Variants in TUBGCP3 observed in about 807,000 individuals in gnomAD.
The protein encoded by TUBGCP3 is tubulin gamma complex component 3.
In TUBGCP3, 50 loss-of-function variants were observed where a neutral mutation model predicts 123.1. The ratio of observed to expected loss-of-function variants is 0.41; its 90% CI spans 0.32 to 0.51. The LOEUF (loss-of-function observed/expected upper bound fraction) is 0.51, where lower values mean the gene tolerates loss of function less well. Among genes scored for constraint, TUBGCP3 ranks in the 20% least tolerant of loss-of-function variants. The pLI is 0.36. For synonymous variants in TUBGCP3, 405 were observed against 413.9 expected (o/e 0.98, Z 0.26); for missense variants, 882 against 1,127.0 (o/e 0.78, Z 3.11).
chr13:112,525,605 T>C (rs559165383), intron 13 of TUBGCP3, among the ~76,000 whole-genome samples: 2 of 152,232 alleles, frequency 1.3e-5, no homozygotes, highest in South Asian at 4.1e-4. Context: ...AAGTTAGCCA[T>C]ACACAAAACA....
chr13:112,599,299 C>A, the TUBGCP3 span, among the ~76,000 whole-genome samples: 1 of 152,138 alleles, frequency 6.6e-6, no homozygotes, highest in African/African-American at 2.4e-5. Context: ...CAAGTCATTA[C>A]GCAGCACACA....
intron 1 of TUBGCP3, 112 bp from the exon 2 acceptor site, chr13:112,569,371 C>A: frequency 3.5e-6 from 3 of 859,046 alleles, no homozygotes; most frequent in East Asian, 5.1e-5. Flanking sequence ...TTCCACCTCC[C>A]CAAGGTCTTA....
chr13:112,571,872 C>T (rs950205736), intron 1 of TUBGCP3, among the ~76,000 whole-genome samples: 3 of 152,180 alleles, frequency 2.0e-5, no homozygotes, highest in East Asian at 3.8e-4. Context: ...GTCTCATGAA[C>T]TAAAAACCCC....
chr13:112,520,102 T>C, intron 14 of TUBGCP3, 81 bp from the exon 15 acceptor site: 2 of 1,367,406 alleles, frequency 1.5e-6, no homozygotes, highest in Non-Finnish European at 2.0e-6. Flanking sequence ...CTATTAAAAG[T>C]AAGAGTTCAA....
chr13:112,554,470 C>T (rs1879857239), intron 7 of TUBGCP3, among the ~76,000 whole-genome samples: 1 of 152,152 alleles, frequency 6.6e-6, no homozygotes, highest in South Asian at 2.1e-4. Context: ...GGCTAAGAGC[C>T]ACAGTGTGAC....
intron 8 of TUBGCP3, 50 bp from the exon 9 acceptor site, chr13:112,548,226 G>C (rs746687458): frequency 6.9e-7 from 1 of 1,444,452 alleles, no homozygotes; most frequent in Non-Finnish European, 9.5e-7. Flanking sequence ...ATTACACATT[G>C]ACTGATTTTA....
intron 1 of TUBGCP3, among the ~76,000 whole-genome samples, chr13:112,585,485 C>T (rs1882543548): frequency 1.3e-5 from 2 of 152,124 alleles, no homozygotes; most frequent in African/African-American, 2.4e-5. Context: ...GAGGGCCGGG[C>T]GCAGTGGCTC....
chr13:112,525,179 A>G (rs1876946442), intron 13 of TUBGCP3, among the ~76,000 whole-genome samples: 1 of 152,176 alleles, frequency 6.6e-6, no homozygotes, highest in Admixed American at 6.5e-5. Flanking sequence ...TATTTTCACT[A>G]CAATCTTTAG....
At chr13:112,553,926 G>A in intron 8 of TUBGCP3, 131 bp downstream of exon 8, 1 of 1,417,666 alleles carries the variant, frequency 7.1e-7, no homozygotes, top group Admixed American at 2.3e-5. Context: ...AGTGGACCCT[G>A]AAAGTTGACT....
At chr13:112,596,223 G>A in the TUBGCP3 span, among the ~76,000 whole-genome samples, 1 of 152,062 alleles carries the variant, frequency 6.6e-6, no homozygotes, top group African/African-American at 2.4e-5. Context: ...TCTTTTCATT[G>A]TACTTTCTTC....
At chr13:112,553,028 C>T (rs1879717114) in intron 8 of TUBGCP3, among the ~76,000 whole-genome samples, 1 of 150,922 alleles carries the variant, frequency 6.6e-6, no homozygotes, top group Non-Finnish European at 1.5e-5. Flanking sequence ...CTCCTCCTCA[C>T]TAGCCACATT....
rs957969087 is a variant in TUBGCP3 at position 112,558,506 on chromosome 13, T to G, written c.331-93A>C. The G allele has an allele frequency of 4.4e-6, 5 of 1,131,002 alleles. No individual in the cohort carries two copies. The African/African-American group carries it at 6.1e-5, about 14-fold the overall frequency. The allele number at this position is 1,131,002 out of a possible 1,614,324, so 70.1% of individuals were successfully genotyped here. ...GTCATTTATATTCAGATTTTCCTTC[T>G]ATTTCTGTAACTGGATTTGGGTTCC... On this transcript the variant is annotated intron_variant, in intron 4 of 21. Transcript: ENST00000261965.
rs1374764958 is a variant in TUBGCP3, at chr13:112,545,878, G to A, written c.1169-13C>T. 6.2e-7 allele frequency: 1 copy of A among 1,606,190 alleles called. No homozygotes were observed. Among genetic ancestry groups the A allele is most frequent in the East Asian group, 2.2e-5 (1 of 44,602 alleles). On this transcript the variant is annotated splice_polypyrimidine_tract_variant and intron_variant, in intron 10 of 21. Coordinates refer to ENST00000261965, the MANE Select transcript of TUBGCP3 (RefSeq NM_006322.6). The surrounding 1 kb of genome is among the most constrained non-coding windows in gnomAD (Gnocchi z 4.1). ...CCTCCTTTCCTTCCTGGGAGAAATG[G>A]AGGAAAATACACAAAAACATCCACA...
intron 14 of TUBGCP3, chr13:112,521,916 T>C (rs1051069753): frequency 1.1e-6 from 1 of 870,152 alleles, no homozygotes; most frequent in Non-Finnish European, 1.4e-6. Context: ...GAAAAGGTCA[T>C]AGTTTCATTT....
chr13:112,504,524 A>G, intron 18 of TUBGCP3, 102 bp downstream of exon 18: 1 of 796,824 alleles, frequency 1.3e-6, no homozygotes, highest in Non-Finnish European at 1.9e-6. Context: ...ATATATACAC[A>G]TATATATACA....
rs565368621 is a variant in TUBGCP3 at position 112,485,818 on chromosome 13, G to A, written c.*175C>T. 14 of 704,318 alleles carry A rather than the reference G, an allele frequency of 2.0e-5. No homozygotes were observed. Among genetic ancestry groups the A allele is most frequent in the Non-Finnish European group, 2.6e-5 (11 of 429,676 alleles). 43.6% of individuals were successfully genotyped at this position (704,318 alleles called of 1,614,324 possible). The stretch of plus-strand genomic sequence containing the variant: ...GGGATTTACAAATGCATTCGACTCC[G>A]ACATGTGAAACACGACGTGGCTTCT... On this transcript the variant is annotated 3_prime_UTR_variant, in exon 22 of 22. Transcript: ENST00000261965.
intron 17 of TUBGCP3, among the ~76,000 whole-genome samples, chr13:112,506,582 G>A (rs1181009074): frequency 1.3e-5 from 2 of 152,148 alleles, no homozygotes; most frequent in African/African-American, 2.4e-5. Context: ...AGCACAGCGT[G>A]CACTCCACAT....
the TUBGCP3 span, among the ~76,000 whole-genome samples, chr13:112,601,185 T>TA: frequency 0.064 from 5,501 of 86,318 alleles, 179 homozygotes; most frequent in African/African-American, 0.12. Flanking sequence ...AGATTCTGTC[T>TA]AAAAAAAAAA....
At chr13:112,504,568 T>C (rs1881159383) in intron 18 of TUBGCP3, 58 bp downstream of exon 18, 4 of 1,226,466 alleles carry the variant, frequency 3.3e-6, no homozygotes, top group South Asian at 1.3e-5. Context: ...ATATATACCA[T>C]GTAAAAGCCA....
Sources: gnomAD v4.1 joint callset for allele counts (sites outside exome capture counted in the v4.1 genomes callset) on GRCh38, gnomAD v4.1.1 for gene constraint, Gnocchi (gnomAD v3.1) non-coding constraint, MANE v1.5 for transcripts, NCBI Gene and HGNC (gene_info 2026-07-23, HGNC 2026-07-21) for gene names.